Variants in ANGEL2 observed in about 807,000 individuals in gnomAD.
The protein encoded by ANGEL2 is RNA 2',3'-cyclic phosphatase ANGEL2.
Under a neutral mutation model 66.0 loss-of-function variants are expected in ANGEL2, and 41 were observed. The ratio of observed to expected loss-of-function variants is 0.62; its 90% confidence interval spans 0.48 to 0.81. The LOEUF (loss-of-function observed/expected upper bound fraction) is 0.81. Ranked by LOEUF, ANGEL2 falls within the 30% of genes least tolerant of loss-of-function variation. The pLI, the probability that ANGEL2 is intolerant of heterozygous loss-of-function variation, is 0.00. For synonymous variants in ANGEL2, 208 were observed against 226.5 expected (o/e 0.92, Z 0.73); for missense variants, 561 against 641.6 (o/e 0.87, Z 1.36).
rs1558167053 is a variant in ANGEL2 at position 212,996,622 on chromosome 1, C to CAAA, written c.1483+532_1483+533insTTT. The stretch of plus-strand genomic sequence containing the variant: ...TGGGTAACAGAGCGAGACTCTGTAT[C>CAAA]CAAAAAAAAAAAAAAAAAATATATA... On this transcript the variant is annotated intron_variant, in intron 8 of 8. Coordinates refer to ENST00000366962, the MANE Select transcript of ANGEL2 (RefSeq NM_144567.5). Among the ~76,000 whole-genome samples, 19 of 22,716 alleles carry CAAA rather than the reference C, an allele frequency of 8.4e-4. 3 individuals carry two copies. The highest frequency in any genetic ancestry group is 2.4e-3 in the Admixed American group (3 of 1,228). The allele number at this position is 22,716 out of a possible 152,430, so 14.9% of individuals were successfully genotyped here. A position where few individuals can be genotyped will look rare whatever the true frequency, so the allele number is the denominator to read the frequency against.
At chr1:212,999,720 T>C (rs2076128058) in intron 7 of ANGEL2, among the ~76,000 whole-genome samples, 1 of 152,236 alleles carries the variant, frequency 6.6e-6, no homozygotes, top group African/African-American at 2.4e-5. Flanking sequence ...TTCTCAACCA[T>C]AGCCCCAAAT....
intron 2 of ANGEL2, among the ~76,000 whole-genome samples, chr1:213,008,825 T>TAAC (rs1282839134): frequency 6.6e-6 from 1 of 152,234 alleles, no homozygotes; most frequent in East Asian, 1.9e-4. Flanking sequence ...TTTATAACTA[T>TAAC]AACAACAAAT....
chr1:213,004,973 A>C, intron 5 of ANGEL2, 60 bp downstream of exon 5: 1 of 1,357,046 alleles, frequency 7.4e-7, no homozygotes, highest in Non-Finnish European at 9.9e-7. Flanking sequence ...GACTATCTTC[A>C]CATTATCATG....
chr1:212,999,431 A>G (rs2076118072), intron 7 of ANGEL2, among the ~76,000 whole-genome samples: 2 of 152,226 alleles, frequency 1.3e-5, no homozygotes, highest in African/African-American at 2.4e-5. Context: ...CTATATTGAA[A>G]GGTTTAATCA....
Position 213,005,024 on chromosome 1 carries a change from A to C in ANGEL2, c.1134+9T>G. 2 of 1,527,466 alleles carry C rather than the reference A, an allele frequency of 1.3e-6. No homozygotes were observed. The highest frequency in any genetic ancestry group is 2.6e-5 in the South Asian group (2 of 76,988). The allele number at this position is 1,527,466 out of a possible 1,614,324, so 94.6% of individuals were successfully genotyped here. A position where few individuals can be genotyped will look rare whatever the true frequency, so the allele number is the denominator to read the frequency against. The stretch of plus-strand genomic sequence containing the variant: ...TCCACTCCCTAATAACAATGAAGAA[A>C]GCACTTACCTTTCCTATGGGAAGTC... On this transcript the variant is annotated intron_variant, in intron 5 of 8. Transcript: ENST00000366962.
At chr1:213,009,868 T>C (rs1210241599) in intron 2 of ANGEL2, among the ~76,000 whole-genome samples, 2 of 151,754 alleles carry the variant, frequency 1.3e-5, no homozygotes, top group African/African-American at 4.8e-5. Flanking sequence ...CTGGCCAACA[T>C]GGCGAAACCC....
Position 213,015,595 on chromosome 1 carries a change from G to A in ANGEL2, c.59+18C>T. On this transcript the variant is annotated intron_variant, in intron 1 of 8. Coordinates refer to ENST00000366962, the MANE Select transcript of ANGEL2 (RefSeq NM_144567.5). ...GCCCGCCCCTCTCTCCTCCCTCCGA[G>A]TACCCAGCCCTACTGACCGGCCTCT... The A allele has an allele frequency of 2.7e-6, 4 of 1,476,176 alleles. No individual in the cohort carries two copies. The highest frequency in any genetic ancestry group is 3.7e-6 in the Non-Finnish European group (4 of 1,094,776). 91.4% of individuals were successfully genotyped at this position (1,476,176 alleles called of 1,614,324 possible). A position where few individuals can be genotyped will look rare whatever the true frequency, so the allele number is the denominator to read the frequency against.
intron 3 of ANGEL2, 56 bp downstream of exon 3, chr1:213,008,154 G>A (rs1452201659): frequency 3.2e-6 from 5 of 1,562,532 alleles, no homozygotes; most frequent in South Asian, 2.4e-5. Flanking sequence ...ATGAGCCAGT[G>A]TGCCCGGCCC....
chr1:213,011,729 C>T (rs1032916684), intron 2 of ANGEL2, among the ~76,000 whole-genome samples: 4 of 152,148 alleles, frequency 2.6e-5, no homozygotes, highest in African/African-American at 7.2e-5. Flanking sequence ...GAAAAGAAAG[C>T]AGGGAGTGGT....
rs2075953871 is a variant in ANGEL2 at position 212,994,870 on chromosome 1, A to T, written c.*171T>A. 2.4e-5 allele frequency: 12 copies of T among 492,756 alleles called. No individual in the cohort carries two copies. The South Asian group carries it at 1.2e-3, about 50-fold the overall frequency. 30.5% of individuals were successfully genotyped at this position (492,756 alleles called of 1,614,324 possible). On this transcript the variant is annotated 3_prime_UTR_variant, in exon 9 of 9. Coordinates refer to ENST00000366962, the MANE Select transcript of ANGEL2 (RefSeq NM_144567.5). ...TCACGAAAATATTTTTCATTATTAA[A>T]AAAAATTGTTATAAAGTTATTTCTT...
intron 2 of ANGEL2, among the ~76,000 whole-genome samples, chr1:213,012,419 C>T (rs1212084948): frequency 6.6e-6 from 1 of 152,106 alleles, no homozygotes; most frequent in Non-Finnish European, 1.5e-5. Flanking sequence ...AGACTGGCAG[C>T]ACAGAGGGAG....
intron 5 of ANGEL2, among the ~76,000 whole-genome samples, chr1:213,004,581 T>C (rs1048959691): frequency 2.0e-5 from 3 of 151,592 alleles, no homozygotes; most frequent in African/African-American, 7.3e-5. Flanking sequence ...AATTACTTAC[T>C]AGAAGAAGCT....
chr1:212,992,772 ATGTTTGTT>A lies in ANGEL2; in HGVS notation c.*2261_*2268del, dbSNP rs1454787619. The A allele has an allele frequency of 1.3e-5, 2 of 152,204 alleles. No individual in the cohort carries two copies. Among genetic ancestry groups the A allele is most frequent in the Non-Finnish European group, 2.9e-5 (2 of 68,034 alleles). 9.4% of individuals were successfully genotyped at this position (152,204 alleles called of 1,614,324 possible). On this transcript the variant is annotated 3_prime_UTR_variant, in exon 9 of 9. Coordinates refer to ENST00000366962, the MANE Select transcript of ANGEL2 (RefSeq NM_144567.5). Reference sequence around the variant, plus strand: ...TAAATTTTCACAGAGGTTTTCAGGGATGTTTGTTTGTTAACAATGACCTATATGTAATA... The same window carrying A: ...TAAATTTTCACAGAGGTTTTCAGGGATGTTAACAATGACCTATATGTAATA...
rs2075916609 is a variant in ANGEL2, at chr1:212,993,572, G to C, written c.*1469C>G. On this transcript the variant is annotated 3_prime_UTR_variant, in exon 9 of 9. Coordinates refer to ENST00000366962, the MANE Select transcript of ANGEL2 (RefSeq NM_144567.5). ...CAATTCAGTGTAAAATTACTACTTA[G>C]TAAAAATGCATATAATTCCTTGTTC... The C allele has an allele frequency of 6.6e-6, 1 of 152,056 alleles. No homozygotes were observed. Among genetic ancestry groups the C allele is most frequent in the Non-Finnish European group, 1.5e-5 (1 of 68,006 alleles). 9.4% of individuals were successfully genotyped at this position (152,056 alleles called of 1,614,324 possible).
In ANGEL2 at chr1:213,013,495, C is replaced by T. The variant is rs1394641075; in HGVS notation, c.60-77G>A. Reference sequence around the variant, plus strand: ...TTTACAAAATCTAAGCCTGTTTCCTCAAGGGAAGGTAATGTCTAATATTTA... The same window carrying T: ...TTTACAAAATCTAAGCCTGTTTCCTTAAGGGAAGGTAATGTCTAATATTTA... On this transcript the variant is annotated intron_variant, in intron 1 of 8. Coordinates refer to ENST00000366962, the MANE Select transcript of ANGEL2 (RefSeq NM_144567.5). 9.9e-6 allele frequency: 13 copies of T among 1,311,310 alleles called. No individual in the cohort carries two copies. In the Admixed American group the frequency reaches 1.4e-4, roughly 14 times the overall value. The allele number at this position is 1,311,310 out of a possible 1,614,324, so 81.2% of individuals were successfully genotyped here. A position where few individuals can be genotyped will look rare whatever the true frequency, so the allele number is the denominator to read the frequency against.
intron 8 of ANGEL2, among the ~76,000 whole-genome samples, chr1:212,996,195 G>T (rs999906439): frequency 2.4e-4 from 37 of 152,080 alleles, no homozygotes; most frequent in Non-Finnish European, 3.8e-4. Context: ...TAGTCCCAGT[G>T]GCTCGGGAGG....
At chr1:212,996,652 T>A (rs868063141) in intron 8 of ANGEL2, among the ~76,000 whole-genome samples, 4,457 of 121,256 alleles carry the variant, frequency 0.037, 131 homozygotes, top group Non-Finnish European at 0.058. Flanking sequence ...TATATATATA[T>A]ATATATATAT....
intron 7 of ANGEL2, among the ~76,000 whole-genome samples, chr1:213,000,097 T>C (rs1399650838): frequency 6.6e-6 from 1 of 152,182 alleles, no homozygotes; most frequent in Non-Finnish European, 1.5e-5. Context: ...ATCCAAACTA[T>C]AGACAAAGAA....
chr1:213,008,637 G>A (rs1370214925), intron 2 of ANGEL2, among the ~76,000 whole-genome samples, 171 bp from the exon 3 acceptor site: 1 of 152,178 alleles, frequency 6.6e-6, no homozygotes, highest in East Asian at 1.9e-4. Context: ...TATCAAATTG[G>A]TTACAAATGC....
Sources: allele counts gnomAD v4.1 joint callset (sites outside exome capture counted in the v4.1 genomes callset), GRCh38; gene constraint gnomAD v4.1.1; transcripts MANE v1.5; gene names NCBI Gene and HGNC (gene_info 2026-07-23, HGNC 2026-07-21).